TMTC2: variants seen among roughly 807,000 people sequenced by gnomAD.
The protein encoded by TMTC2 is protein O-mannosyl-transferase TMTC2.
Under a neutral mutation model 82.4 loss-of-function variants are expected in TMTC2, and 43 were observed. That is an observed-to-expected ratio of 0.52 (90% CI 0.41 to 0.67). The LOEUF is 0.67. TMTC2 is among the 30% of genes least tolerant of loss of function. The pLI is 0.00. For missense variants in TMTC2, 919 were observed against 1,012.4 expected (o/e 0.91, Z 1.25); for synonymous variants, 408 against 381.9 (o/e 1.07, Z -0.80).
At chr12:83,089,284 GCT>G (rs1883761476) in intron 11 of TMTC2, among the ~76,000 whole-genome samples, 1 of 152,066 alleles carries the variant, frequency 6.6e-6, no homozygotes, top group South Asian at 2.1e-4. Flanking sequence ...CTTTTATTCT[GCT>G]ATAGCAAGCT....
intron 11 of TMTC2, among the ~76,000 whole-genome samples, chr12:83,118,189 A>G (rs1884829341): frequency 6.6e-6 from 1 of 152,096 alleles, no homozygotes; most frequent in African/African-American, 2.4e-5. Context: ...TGCTCTGGCT[A>G]GGACTTCCAG....
chr12:83,062,560 G>A (rs1198523551), intron 11 of TMTC2, among the ~76,000 whole-genome samples: 2 of 151,800 alleles, frequency 1.3e-5, no homozygotes, highest in Non-Finnish European at 2.9e-5. Context: ...ATTGGGAAAT[G>A]TAATTTTGTA....
chr12:82,777,094 C>A (rs1294283918), intron 1 of TMTC2, among the ~76,000 whole-genome samples: 1 of 152,062 alleles, frequency 6.6e-6, no homozygotes, highest in Admixed American at 6.6e-5. Context: ...ATCTGTGAAA[C>A]CCCCATGGAG....
intron 1 of TMTC2, among the ~76,000 whole-genome samples, chr12:82,828,169 A>G (rs1869533329): frequency 6.7e-6 from 1 of 149,566 alleles, no homozygotes; most frequent in South Asian, 2.1e-4. Flanking sequence ...CTGGGATTAC[A>G]GGAGTGAGCT....
Position 83,003,397 on chromosome 12 carries a change from G to A in TMTC2, c.2070+17351G>A, listed in dbSNP as rs527292843. On this transcript the variant is annotated intron_variant, in intron 8 of 11. Coordinates refer to ENST00000321196, the MANE Select transcript of TMTC2 (RefSeq NM_152588.3). The stretch of plus-strand genomic sequence containing the variant: ...TGCCTTTCTATGCCTCTTACGTGGG[G>A]GTGTTTAGATCATTTACATTCAGGA... 1.3e-4 allele frequency among the ~76,000 whole-genome samples: 20 copies of A among 152,038 alleles called. No homozygotes were observed. The East Asian group carries it at 1.4e-3, about 10-fold the overall frequency.
At chr12:82,738,786 G>A (rs1875241675) in intron 1 of TMTC2, among the ~76,000 whole-genome samples, 1 of 152,090 alleles carries the variant, frequency 6.6e-6, no homozygotes, top group East Asian at 1.9e-4. Context: ...GTCAACCATA[G>A]TCATTTTTAT....
chr12:82,732,277 G>C (rs1486626990), intron 1 of TMTC2, among the ~76,000 whole-genome samples: 1 of 151,958 alleles, frequency 6.6e-6, no homozygotes, highest in East Asian at 1.9e-4. Flanking sequence ...TGTCTCAGTG[G>C]GGCTTATTTT....
At chr12:82,919,916 A>C (rs1408818142) in intron 3 of TMTC2, among the ~76,000 whole-genome samples, 1 of 152,150 alleles carries the variant, frequency 6.6e-6, no homozygotes. Context: ...GTAGCTCTAC[A>C]GTTCTGTGGT....
intron 1 of TMTC2, among the ~76,000 whole-genome samples, chr12:82,798,820 A>AAAAAT (rs1878857408): frequency 6.6e-6 from 1 of 151,826 alleles, no homozygotes; most frequent in Non-Finnish European, 1.5e-5. Context: ...AAAAAAAAAA[A>AAAAAT]AAAGGATGTA....
chr12:82,958,104 T>C (rs1032864765), intron 4 of TMTC2, among the ~76,000 whole-genome samples: 8 of 152,124 alleles, frequency 5.3e-5, no homozygotes, highest in African/African-American at 1.7e-4. Flanking sequence ...GGCTCATGCC[T>C]GTAATCTCAA....
chr12:83,101,033 A>C (rs947188684), intron 11 of TMTC2, among the ~76,000 whole-genome samples: 15 of 152,218 alleles, frequency 9.9e-5, no homozygotes, highest in Non-Finnish European at 2.9e-5. Context: ...TATTGATCAC[A>C]TTTTAAATGT....
intron 7 of TMTC2, among the ~76,000 whole-genome samples, chr12:82,983,068 C>T (rs1178237431): frequency 6.6e-6 from 1 of 151,986 alleles, no homozygotes; most frequent in Non-Finnish European, 1.5e-5. Flanking sequence ...TGTGTTAAGG[C>T]CACTTAGGGA....
At chr12:82,693,674 A>G (rs904610564) in intron 1 of TMTC2, among the ~76,000 whole-genome samples, 1 of 152,184 alleles carries the variant, frequency 6.6e-6, no homozygotes, top group African/African-American at 2.4e-5. Context: ...CAAGGTTTCT[A>G]GAATAAAAGG....
chr12:83,093,675 G>A (rs181227027), intron 11 of TMTC2, among the ~76,000 whole-genome samples: 7 of 152,248 alleles, frequency 4.6e-5, no homozygotes, highest in Admixed American at 4.6e-4. Flanking sequence ...GTAAATTAAG[G>A]TCTAGGAAAT....
rs142570205 is a variant in TMTC2, at chr12:82,949,206, C to A, written c.1599-15818C>A. ...TCCAAGAAATTACATAAAGATTAGACGTCCATGTTGGATAGCACCTGCAAA... is the reference window on the plus strand; with the variant it reads ...TCCAAGAAATTACATAAAGATTAGAAGTCCATGTTGGATAGCACCTGCAAA... On this transcript the variant is annotated intron_variant, in intron 4 of 11. Transcript: ENST00000321196. Among the ~76,000 whole-genome samples the A allele has an allele frequency of 3.6e-3, 548 of 152,316 alleles. 7 individuals are homozygous for A. The highest frequency in any genetic ancestry group is 0.013 in the African/African-American group (534 of 41,586).
chr12:83,131,794 A>G (rs1037459997), intron 11 of TMTC2, among the ~76,000 whole-genome samples: 6 of 152,206 alleles, frequency 3.9e-5, no homozygotes, highest in Non-Finnish European at 7.3e-5. Flanking sequence ...ACAAAGAATG[A>G]ATAGATATGG....
At chr12:83,119,444 G>T (rs1419327526) in intron 11 of TMTC2, among the ~76,000 whole-genome samples, 3 of 152,066 alleles carry the variant, frequency 2.0e-5, no homozygotes, top group African/African-American at 7.2e-5. Context: ...CCGTGTATTT[G>T]CATGGTTCTG....
rs35485888 is a variant in TMTC2, at chr12:82,795,311, CAA to C, written c.84-61682_84-61681del. ...TGGGCAACAGAGAGAGATTCCATCT[CAA>C]AAAAAAAAAAAAAAAAGAAGTTAAA... On this transcript the variant is annotated intron_variant, in intron 1 of 11. Transcript: ENST00000321196. 1.0e-2 allele frequency among the ~76,000 whole-genome samples: 947 copies of C among 94,840 alleles called. 7 individuals are homozygous for C. The highest frequency in any genetic ancestry group is 0.01 in the African/African-American group (249 of 24,582). 62.2% of individuals were successfully genotyped at this position (94,840 alleles called of 152,430 possible).
At position 82,938,073 on chromosome 12, in the gene TMTC2, C is replaced by T. The variant is rs1474437256; in HGVS notation, c.1598+7528C>T. 7.9e-5 allele frequency among the ~76,000 whole-genome samples: 12 copies of T among 151,390 alleles called. No individual in the cohort carries two copies. The East Asian group carries it at 2.3e-3, about 30-fold the overall frequency. ...GGGATACAGATACCCACCACCACAC[C>T]CGGCTAATTTTTGTATTTTTAGTAG... On this transcript the variant is annotated intron_variant, in intron 4 of 11. Coordinates refer to ENST00000321196, the MANE Select transcript of TMTC2 (RefSeq NM_152588.3).
Sources: allele counts gnomAD v4.1 joint callset (sites outside exome capture counted in the v4.1 genomes callset), GRCh38; gene constraint gnomAD v4.1.1; transcripts MANE v1.5; gene names NCBI Gene and HGNC (gene_info 2026-07-23, HGNC 2026-07-21).